The following SMIM18 variants were observed in gnomAD, a reference collection of about 807,000 sequenced individuals.
SMIM18 encodes the protein small integral membrane protein 18.
A neutral mutation model predicts 5.9 loss-of-function variants in SMIM18; 4 were observed. That is an observed-to-expected ratio of 0.68 (90% CI 0.33 to 1.56). The LOEUF (loss-of-function observed/expected upper bound fraction) is 1.56. Among genes scored for constraint, SMIM18 ranks in the 40% most tolerant of loss-of-function variants. SMIM18 has a pLI of 0.06. For synonymous variants in SMIM18, 37 were observed against 37.4 expected, an observed-to-expected ratio of 0.99 and a Z score of 0.04; for missense variants, 89 against 109.7, an observed-to-expected ratio of 0.81 and a Z score of 0.84.
intron 1 of SMIM18, 41 bp downstream of exon 1, chr8:30,638,680 TTATGATGCAA>T (rs1460292510): frequency 2.0e-5 from 3 of 152,634 alleles, no homozygotes; most frequent in African/African-American, 7.2e-5. Context: ...GTACATGTCC[TTATGATGCAA>T]TAGGAAAATA....
rs374409196 is a variant in SMIM18, at chr8:30,638,651, T to C, written c.-111+12T>C. ...CTCTCAGACAAGAGGTAGGTTTATA[T>C]GATCTTTTTTATTTAGTGGTACATG... On this transcript the variant is annotated intron_variant, in intron 1 of 2. Coordinates refer to ENST00000517349, the MANE Select transcript of SMIM18 (RefSeq NM_001206847.2). The C allele has an allele frequency of 6.6e-6, 1 of 152,660 alleles. No homozygotes were observed. Among genetic ancestry groups the C allele is most frequent in the Non-Finnish European group, 1.5e-5 (1 of 68,044 alleles). 9.5% of individuals were successfully genotyped at this position (152,660 alleles called of 1,614,324 possible). A position where few individuals can be genotyped will look rare whatever the true frequency, so the allele number is the denominator to read the frequency against.
At chr8:30,642,812 T>G (rs1266121360) in intron 1 of SMIM18, among the ~76,000 whole-genome samples, 2 of 152,268 alleles carry the variant, frequency 1.3e-5, no homozygotes, top group African/African-American at 4.8e-5. Context: ...AGCTCATTAA[T>G]GGATACAAGT....
chr8:30,644,259 C>T (rs1439263630), intron 1 of SMIM18, among the ~76,000 whole-genome samples: 1 of 152,130 alleles, frequency 6.6e-6, no homozygotes, highest in Non-Finnish European at 1.5e-5. Context: ...CTTGAACTCA[C>T]CAGCTTCTTT....
intron 1 of SMIM18, among the ~76,000 whole-genome samples, chr8:30,640,309 T>C (rs1034302301): frequency 1.3e-5 from 2 of 152,220 alleles, no homozygotes; most frequent in African/African-American, 4.8e-5. Flanking sequence ...AACTTTATTC[T>C]CATCTGGCAA....
chr8:30,645,817 G>T lies in SMIM18; in HGVS notation c.*220G>T. On this transcript the variant is annotated 3_prime_UTR_variant, in exon 3 of 3. Transcript: ENST00000517349. ...TTCATGAATGTGAATTTACTAATCTGTTTAATACTGACACTTCAAAAACTG... is the reference window on the plus strand; with the variant it reads ...TTCATGAATGTGAATTTACTAATCTTTTTAATACTGACACTTCAAAAACTG... 1 of 465,804 alleles carries T rather than the reference G, an allele frequency of 2.1e-6. No individual in the cohort carries two copies. Among genetic ancestry groups the T allele is most frequent in the Non-Finnish European group, 3.8e-6 (1 of 265,596 alleles). The allele number at this position is 465,804 out of a possible 1,614,324, so 28.9% of individuals were successfully genotyped here.
rs1802032936 is a variant in SMIM18, at chr8:30,645,452, C to CT, written c.146dup (p.Leu49PhefsTer9). On this transcript the variant is annotated frameshift_variant, in exon 3 of 3. Coordinates refer to ENST00000517349, the MANE Select transcript of SMIM18 (RefSeq NM_001206847.2). LOFTEE classifies it high-confidence loss of function. ...CTTTTATTTATATTTACAGTGGTAT[C>CT]TTTAGTGGTGCTGGCTTTCCTTTAT... 6.5e-7 allele frequency: 1 copy of CT among 1,535,538 alleles called. No individual in the cohort carries two copies. Among genetic ancestry groups the CT allele is most frequent in the African/African-American group, 1.4e-5 (1 of 73,042 alleles).
chr8:30,644,383 A>G (rs1801980823), intron 1 of SMIM18, 109 bp from the exon 2 acceptor site: 1 of 152,234 alleles, frequency 6.6e-6, no homozygotes, highest in Non-Finnish European at 1.5e-5. Context: ...TATCATTTAT[A>G]ACCCCAAGAT....
intron 1 of SMIM18, among the ~76,000 whole-genome samples, chr8:30,641,604 G>A (rs2978262): frequency 0.042 from 6,401 of 152,164 alleles, 202 homozygotes; most frequent in African/African-American, 0.086. Context: ...GGCCAGGCGC[G>A]GTGGCTCATG....
intron 1 of SMIM18, 139 bp downstream of exon 1, chr8:30,638,778 T>C (rs1382524435): frequency 6.6e-6 from 1 of 152,352 alleles, no homozygotes; most frequent in East Asian, 1.9e-4. Flanking sequence ...TTTCACCGCT[T>C]GGTAGGATTT....
In SMIM18 at chr8:30,645,518, T is replaced by G; in HGVS notation, c.209T>G (p.Val70Gly). 1 of 1,535,592 alleles carries G rather than the reference T, an allele frequency of 6.5e-7. No homozygotes were observed. The highest frequency in any genetic ancestry group is 8.7e-7 in the Non-Finnish European group (1 of 1,146,870). The change falls in exon 3 of 3, where the codon GTG (valine) becomes GGG (glycine). Residue 70 changes from valine to glycine, a missense_variant. By Grantham distance (109) the Val-to-Gly change is moderately radical. Coordinates refer to ENST00000517349, the MANE Select transcript of SMIM18 (RefSeq NM_001206847.2). ...TGCTGCTGTGTAAAAAACAAAACCG[T>G]GAAAGACTTGAAAAGTGAACCCAAC... Reference protein sequence around the residue: ...DCCCCVKNKTVKDLKSEPNPL... With the variant: ...DCCCCVKNKTGKDLKSEPNPL...
chr8:30,639,588 T>C (rs563600144), intron 1 of SMIM18, among the ~76,000 whole-genome samples: 15 of 152,258 alleles, frequency 9.9e-5, no homozygotes, highest in Non-Finnish European at 1.5e-4. Flanking sequence ...CAATCATTCA[T>C]GTCTATTAAA....
At chr8:30,641,645 G>A (rs1801836198) in intron 1 of SMIM18, among the ~76,000 whole-genome samples, 1 of 152,184 alleles carries the variant, frequency 6.6e-6, no homozygotes, top group Admixed American at 6.5e-5. Flanking sequence ...GGGAAGCCAA[G>A]GTGGGTGGAT....
chr8:30,639,135 G>T (rs555383041), intron 1 of SMIM18, among the ~76,000 whole-genome samples: 1 of 152,232 alleles, frequency 6.6e-6, no homozygotes, highest in South Asian at 2.1e-4. Context: ...TGAGAAAATA[G>T]TTCAAAATTA....
At chr8:30,641,008 T>A (rs529691793) in intron 1 of SMIM18, among the ~76,000 whole-genome samples, 3 of 152,206 alleles carry the variant, frequency 2.0e-5, no homozygotes, top group South Asian at 4.1e-4. Flanking sequence ...TCTTTCTGCA[T>A]GCTTAATTAT....
At chr8:30,640,053 T>C (rs1156917425) in intron 1 of SMIM18, among the ~76,000 whole-genome samples, 2 of 152,196 alleles carry the variant, frequency 1.3e-5, no homozygotes, top group African/African-American at 4.8e-5. Context: ...ACCACCCACA[T>C]TGTTTTAACA....
intron 1 of SMIM18, among the ~76,000 whole-genome samples, 193 bp downstream of exon 1, chr8:30,638,832 C>T (rs1801703131): frequency 6.6e-6 from 1 of 152,180 alleles, no homozygotes; most frequent in Admixed American, 6.5e-5. Flanking sequence ...TTGATAAGCA[C>T]CCTTACCATC....
chr8:30,643,609 T>C (rs1422975848), intron 1 of SMIM18: 1 of 151,428 alleles, frequency 6.6e-6, no homozygotes, highest in Non-Finnish European at 1.5e-5. Context: ...TGAGCTGAGA[T>C]TGCATCATTC....
Position 30,645,610 on chromosome 8 carries a change from G to C in SMIM18, c.*13G>C. 1.3e-6 allele frequency: 2 copies of C among 1,518,104 alleles called. No homozygotes were observed. Among genetic ancestry groups the C allele is most frequent in the Non-Finnish European group, 1.8e-6 (2 of 1,138,292 alleles). 94.0% of individuals were successfully genotyped at this position (1,518,104 alleles called of 1,614,324 possible). On this transcript the variant is annotated 3_prime_UTR_variant, in exon 3 of 3. Transcript: ENST00000517349. The stretch of plus-strand genomic sequence containing the variant: ...TGAAGTGGTCTAACACTCTATAGAA[G>C]ATGAACAAAATCTCTGAAAGCAGCT...
intron 2 of SMIM18, 62 bp from the exon 3 acceptor site, chr8:30,645,219 T>G: frequency 3.1e-6 from 4 of 1,295,930 alleles, no homozygotes; most frequent in Non-Finnish European, 4.1e-6. Flanking sequence ...ATCTTAGTAC[T>G]GAGATTTGAA....
Sources: gnomAD v4.1 joint callset for allele counts (sites outside exome capture counted in the v4.1 genomes callset) on GRCh38, gnomAD v4.1.1 for gene constraint, MANE v1.5 for transcripts, NCBI Gene and HGNC (gene_info 2026-07-23, HGNC 2026-07-21) for gene names.